The following CCDC157 variants were observed in gnomAD, a reference collection of about 807,000 sequenced individuals.
CCDC157 encodes the protein coiled-coil domain containing 157, also known as coiled-coil domain-containing protein 157.
In CCDC157, 60 loss-of-function variants were observed where a neutral mutation model predicts 70.9. The ratio of observed to expected loss-of-function variants is 0.85; its 90% CI spans 0.69 to 1.05. The LOEUF (loss-of-function observed/expected upper bound fraction) is 1.05, where lower values mean the gene tolerates loss of function less well. Among genes scored for constraint, CCDC157 ranks in the 50% least tolerant of loss-of-function variants. The probability of loss-of-function intolerance (pLI) is 0.00; values close to 1 mark genes in which losing one functional copy is unlikely to be tolerated. For synonymous variants in CCDC157, 373 were observed against 422.4 expected (o/e 0.88, Z 1.43); for missense variants, 943 against 984.2 (o/e 0.96, Z 0.56).
At chr22:30,371,837 C>A in intron 6 of CCDC157, 110 bp downstream of exon 6, 1 of 1,038,780 alleles carries the variant, frequency 9.6e-7, no homozygotes, top group Non-Finnish European at 1.5e-6. Flanking sequence ...TTGAAGGGAA[C>A]CAGCCACAGG....
chr22:30,376,627 C>A lies in CCDC157; in HGVS notation c.2141C>A (p.Thr714Asn), dbSNP rs751751778. The part of the protein sequence containing the change: ...QPSKSLLEGV[T>N]HLDTCTQNPI... ...AGCAAGTCCTTGCTGGAGGGTGTGA[C>A]CCACTTGGACACCTGCACCCAGAAC... Residue 714 changes from threonine to asparagine, a missense_variant, in exon 12 of 12, where the codon ACC (threonine) becomes AAC (asparagine). Coordinates refer to ENST00000338306, the MANE Select transcript of CCDC157 (RefSeq NM_001017437.5). 8 of 1,613,818 alleles carry A rather than the reference C, an allele frequency of 5.0e-6. No individual in the cohort carries two copies. Among genetic ancestry groups the A allele is most frequent in the Non-Finnish European group, 6.8e-6 (8 of 1,179,976 alleles).
chr22:30,356,732 G>C, upstream of CCDC157: 1 of 1,496,094 alleles, frequency 6.7e-7, no homozygotes, highest in Non-Finnish European at 8.9e-7. Context: ...AGAGGTACCT[G>C]TTTGGGCTCC....
At chr22:30,356,851 G>A, upstream of CCDC157, 22 of 1,263,888 alleles carry the variant, frequency 1.7e-5, no homozygotes, top group Non-Finnish European at 2.2e-5. Flanking sequence ...GCCGCCTCAA[G>A]ACAGCCTCCC....
chr22:30,376,323 T>C lies in CCDC157; in HGVS notation c.1922T>C (p.Val641Ala), dbSNP rs1933360641. Residue 641 changes from valine (V) to alanine (A), a missense_variant, in exon 11 of 12, where the codon GTC (valine) becomes GCC (alanine). Coordinates refer to ENST00000338306, the MANE Select transcript of CCDC157 (RefSeq NM_001017437.5). ...GGAACCCAGGGAGCAACACCACCAGTCCAGGCCAAGAGCACATCCCCAGGG... is the reference window on the plus strand; with the variant it reads ...GGAACCCAGGGAGCAACACCACCAGCCCAGGCCAAGAGCACATCCCCAGGG... ...SKGTQGATPP[V>A]QAKSTSPGPL... 1 of 1,611,356 alleles carries C rather than the reference T, an allele frequency of 6.2e-7. No individual in the cohort carries two copies. Among genetic ancestry groups the C allele is most frequent in the Non-Finnish European group, 8.5e-7 (1 of 1,179,056 alleles).
At position 30,374,097 on chromosome 22, in the gene CCDC157, G is replaced by A. The variant is rs1404984632; in HGVS notation, c.1672+6G>A. The A allele has an allele frequency of 1.3e-6, 2 of 1,589,288 alleles. No individual in the cohort carries two copies. The highest frequency in any genetic ancestry group is 2.3e-5 in the East Asian group (1 of 43,906). ...CACCGAGACCCAGATCCATGGTAGG[G>A]GACTGGGGATGGTGCCAAGGGCATG... On this transcript the variant is annotated splice_donor_region_variant and intron_variant, in intron 9 of 11. Coordinates refer to ENST00000338306, the MANE Select transcript of CCDC157 (RefSeq NM_001017437.5).
chr22:30,376,881 C>T lies in CCDC157; in HGVS notation c.*136C>T, dbSNP rs564492469. 2.2e-6 allele frequency: 2 copies of T among 894,282 alleles called. No individual in the cohort carries two copies. The highest frequency in any genetic ancestry group is 2.7e-5 in the East Asian group (1 of 37,610). 55.4% of individuals were successfully genotyped at this position (894,282 alleles called of 1,614,324 possible). ...AAGGAAAGAACCCTTCCTTCCCTGT[C>T]CTGGGCAGGGGCCACTGAGTCCCCA... On this transcript the variant is annotated 3_prime_UTR_variant, in exon 12 of 12. Transcript: ENST00000338306.
At position 30,378,148 on chromosome 22, in the gene CCDC157, A is replaced by G. The variant is rs769199332; in HGVS notation, c.*1403A>G. The G allele has an allele frequency of 6.4e-6, 3 of 470,930 alleles. No homozygotes were observed. The highest frequency in any genetic ancestry group is 4.0e-5 in the African/African-American group (2 of 50,080). 29.2% of individuals were successfully genotyped at this position (470,930 alleles called of 1,614,324 possible). ...TGCCATGGGGCTCCCTCCATCTTCA[A>G]GTCAACAACAGAGGATTTCTCATGT... On this transcript the variant is annotated 3_prime_UTR_variant, in exon 12 of 12. Transcript: ENST00000338306.
At position 30,373,757 on chromosome 22, in the gene CCDC157, C is replaced by A; in HGVS notation, c.1496C>A (p.Ala499Asp). The A allele has an allele frequency of 6.4e-7, 1 of 1,552,348 alleles. No homozygotes were observed. The highest frequency in any genetic ancestry group is 8.7e-7 in the Non-Finnish European group (1 of 1,147,930). Residue 499 changes from alanine to aspartate, a missense_variant, in exon 8 of 12, where the codon GCC becomes GAC. By Grantham distance (126) the Ala-to-Asp change is moderately radical. Transcript: ENST00000338306. ...EREQGQCQLR[A>D]QQELLQSLQR... ...GAGCAGGGGCAATGCCAGCTCAGGG[C>A]CCAGCAGGTGAGGGTGGGGGTCTTC... is the stretch of plus-strand genomic sequence containing the variant.
At chr22:30,366,993 G>C (rs1932763674) in intron 3 of CCDC157, 1 of 151,978 alleles carries the variant, frequency 6.6e-6, no homozygotes, top group African/African-American at 2.4e-5. Flanking sequence ...GGGAGGCAGA[G>C]GTTGCAGTGA....
At chr22:30,361,260 A>G (rs543386194) in intron 1 of CCDC157, among the ~76,000 whole-genome samples, 51 of 151,392 alleles carry the variant, frequency 3.4e-4, no homozygotes, top group African/African-American at 1.2e-3. Context: ...AAAAAAAAAA[A>G]AAAAAGAAAA....
intron 3 of CCDC157, among the ~76,000 whole-genome samples, chr22:30,367,696 CATGG>C (rs1452911453): frequency 2.6e-5 from 4 of 152,076 alleles, no homozygotes; most frequent in Non-Finnish European, 5.9e-5. Context: ...GCAAAGCTAA[CATGG>C]TCACCAGCCT....
At chr22:30,356,853 C>T, upstream of CCDC157, 2 of 1,257,918 alleles carry the variant, frequency 1.6e-6, no homozygotes, top group Non-Finnish European at 2.0e-6. Flanking sequence ...CGCCTCAAGA[C>T]AGCCTCCCCG....
chr22:30,364,357 A>G (rs1235720997), intron 2 of CCDC157, among the ~76,000 whole-genome samples: 1 of 152,180 alleles, frequency 6.6e-6, no homozygotes, highest in Non-Finnish European at 1.5e-5. Context: ...AGACAAAAAA[A>G]GTAAAAAAGA....
chr22:30,371,794 T>A, intron 6 of CCDC157, 67 bp downstream of exon 6: 2 of 1,342,682 alleles, frequency 1.5e-6, no homozygotes, highest in African/African-American at 2.9e-5. Flanking sequence ...ATGAGCATCG[T>A]CCATCTCTGT....
Position 30,374,007 on chromosome 22 carries a change from C to T in CCDC157, c.1588C>T (p.Arg530Trp), listed in dbSNP as rs143181893. 616 of 1,612,272 alleles carry T rather than the reference C, an allele frequency of 3.8e-4. 1 individual carries two copies. The highest frequency in any genetic ancestry group is 8.4e-4 in the Middle Eastern group (5 of 5,962). Residue 530 changes from arginine to tryptophan, a missense_variant, in exon 9 of 12, where the codon CGG becomes TGG. Physicochemically the swap from Arg to Trp is moderately radical, Grantham distance 101. Transcript: ENST00000338306. Reference sequence around the variant, plus strand: ...GCGGCTAACCATCCTGGAGCTAGAACGGGAGCTGGAGGAGCTGAAGGAGCG... The same window carrying T: ...GCGGCTAACCATCCTGGAGCTAGAATGGGAGCTGGAGGAGCTGAAGGAGCG... ...DLRLTILELE[R>W]ELEELKERER...
At chr22:30,360,439 A>C (rs969287577) in intron 1 of CCDC157, among the ~76,000 whole-genome samples, 3 of 151,860 alleles carry the variant, frequency 2.0e-5, no homozygotes, top group African/African-American at 7.3e-5. Flanking sequence ...CAGGAGGCAG[A>C]GCTTGCAGTG....
Position 30,370,907 on chromosome 22 carries a change from G to C in CCDC157, c.1002G>C (p.Gln334His), listed in dbSNP as rs747048768. The C allele has an allele frequency of 3.7e-6, 6 of 1,610,826 alleles. No individual in the cohort carries two copies. The highest frequency in any genetic ancestry group is 3.3e-5 in the Admixed American group (2 of 59,888). ...ARRRQAEEDE[Q>H]CLSEWEHDKQ... The stretch of plus-strand genomic sequence containing the variant: ...GGCGACAGGCGGAGGAGGATGAGCA[G>C]TGCCTGTCTGAGTGGGAGCACGACA... Residue 334 changes from glutamine (Q) to histidine (H), a missense_variant, in exon 5 of 12, where the codon CAG becomes CAC. Physicochemically the swap from Gln to His is conservative, Grantham distance 24. Transcript: ENST00000338306.
At chr22:30,364,188 TTAGC>T (rs1383683668) in intron 2 of CCDC157, among the ~76,000 whole-genome samples, 4 of 152,204 alleles carry the variant, frequency 2.6e-5, no homozygotes, top group African/African-American at 9.6e-5. Context: ...TAATAAATAA[TTAGC>T]TAGGTGTAGT....
intron 10 of CCDC157, chr22:30,376,009 G>A: frequency 1.8e-6 from 1 of 547,810 alleles, no homozygotes. Flanking sequence ...ACAATATAAT[G>A]GGACCCCGTT....
Sources: allele counts gnomAD v4.1 joint callset (sites outside exome capture counted in the v4.1 genomes callset), GRCh38; gene constraint gnomAD v4.1.1; transcripts MANE v1.5; gene names NCBI Gene and HGNC (gene_info 2026-07-23, HGNC 2026-07-21).